Variants in DAPK2 observed in about 807,000 individuals in gnomAD.
The protein encoded by DAPK2 is death associated protein kinase 2.
In DAPK2, 35 loss-of-function variants were observed where a neutral mutation model predicts 44.1. That is an observed-to-expected ratio of 0.79 (90% CI 0.61 to 1.05). The LOEUF (loss-of-function observed/expected upper bound fraction) is 1.05. Among genes scored for constraint, DAPK2 ranks in the 50% least tolerant of loss-of-function variants. DAPK2 has a pLI of 0.00. For missense variants in DAPK2, 453 were observed against 483.2 expected (o/e 0.94, Z 0.59); for synonymous variants, 174 against 182.6 (o/e 0.95, Z 0.38).
Position 63,926,063 on chromosome 15 carries a change from G to A in DAPK2, c.690C>T (p.Asp230=), listed in dbSNP as rs1031600688. 2.5e-6 allele frequency: 4 copies of A among 1,612,706 alleles called. No homozygotes were observed. In the African/African-American group the frequency reaches 5.3e-5, roughly 22 times the overall value. Residue 230 remains aspartate (D), a synonymous_variant, in exon 7 of 11, where the codon GAC becomes GAT. Coordinates refer to ENST00000261891, the Ensembl canonical transcript of DAPK2. ...TATTTGCCAGTGTTTCCTGCTTCGT[G>A]TCTCCCAGGAAAGGGGATGCTCCAC...
intron 3 of DAPK2, among the ~76,000 whole-genome samples, chr15:63,958,470 G>T (rs1424153763): frequency 2.0e-5 from 3 of 152,048 alleles, no homozygotes; most frequent in African/African-American, 7.2e-5. Flanking sequence ...TTTCTTCTAG[G>T]GTTTTTATGG....
intron 1 of DAPK2, among the ~76,000 whole-genome samples, chr15:64,003,310 T>G (rs1333006536): frequency 6.6e-6 from 1 of 152,144 alleles, no homozygotes; most frequent in Non-Finnish European, 1.5e-5. Context: ...AAACTTGGAA[T>G]AGCAACACTT....
chr15:63,921,510 C>T (rs1170080388), intron 8 of DAPK2: 1 of 152,234 alleles, frequency 6.6e-6, no homozygotes, highest in African/African-American at 2.4e-5. Flanking sequence ...ATATGCCATG[C>T]TCTGTTGACA....
At chr15:63,956,737 C>T (rs1315478582) in intron 3 of DAPK2, among the ~76,000 whole-genome samples, 2 of 152,156 alleles carry the variant, frequency 1.3e-5, no homozygotes. Context: ...CAGGCACCCA[C>T]CACCACACCT....
chr15:64,027,156 G>T (rs1245543578), intron 1 of DAPK2, among the ~76,000 whole-genome samples: 2 of 152,176 alleles, frequency 1.3e-5, no homozygotes, highest in Non-Finnish European at 2.9e-5. Flanking sequence ...GCCAAGGCAG[G>T]TGGGTCATCT....
intron 1 of DAPK2, among the ~76,000 whole-genome samples, chr15:64,003,401 G>A (rs775156721): frequency 2.6e-5 from 4 of 152,226 alleles, no homozygotes; most frequent in Non-Finnish European, 4.4e-5. Context: ...TGCTCTGGCA[G>A]AGACCTAGAC....
intron 1 of DAPK2, among the ~76,000 whole-genome samples, chr15:64,011,580 A>C (rs58377907): frequency 0.037 from 5,590 of 152,278 alleles, 348 homozygotes; most frequent in African/African-American, 0.13. Flanking sequence ...TATACACTCC[A>C]GGTTGATGCT....
rs1433359048 is a variant in DAPK2, at chr15:63,908,456, G to A, written c.*64C>T. On this transcript the variant is annotated 3_prime_UTR_variant, in exon 11 of 11. Coordinates refer to ENST00000261891, the Ensembl canonical transcript of DAPK2. The surrounding 1 kb of genome is among the most constrained non-coding windows in gnomAD (Gnocchi z 5.7). ...TGCTGGTGCTGAGCTGGGTCCAAAA[G>A]TCTGCACAGAAGGGAGCCCCGCTGG... 1.7e-6 allele frequency: 2 copies of A among 1,167,148 alleles called. No homozygotes were observed. The highest frequency in any genetic ancestry group is 2.4e-6 in the Non-Finnish European group (2 of 838,032). The allele number at this position is 1,167,148 out of a possible 1,614,324, so 72.3% of individuals were successfully genotyped here. A position where few individuals can be genotyped will look rare whatever the true frequency, so the allele number is the denominator to read the frequency against.
rs779388722 is a variant in DAPK2, at chr15:63,983,664, C to T, written c.183G>A (p.Ala61=). ...CCTCCCGGCTCACACCGCGCCGGCT[C>T]GCCCGGCTCTGCCGCTTCTTGATGA... is the stretch of plus-strand genomic sequence containing the variant. Residue 61 remains alanine, a synonymous_variant, in exon 2 of 11, where the codon GCG becomes GCA. Coordinates refer to ENST00000261891, the Ensembl canonical transcript of DAPK2. 14 of 1,613,932 alleles carry T rather than the reference C, an allele frequency of 8.7e-6. No individual in the cohort carries two copies. In the East Asian group the frequency reaches 2.2e-4, roughly 26 times the overall value.
intron 3 of DAPK2, among the ~76,000 whole-genome samples, chr15:63,969,420 C>A (rs533955428): frequency 6.7e-6 from 1 of 150,080 alleles, no homozygotes; most frequent in South Asian, 2.1e-4. Context: ...ACCCTGTCCC[C>A]CCCAAAAAGA....
chr15:64,002,553 C>T (rs796103205), intron 1 of DAPK2, among the ~76,000 whole-genome samples: 5 of 152,308 alleles, frequency 3.3e-5, no homozygotes, highest in African/African-American at 1.2e-4. Flanking sequence ...AGAACACATA[C>T]TAAACTCTCC....
chr15:64,045,758 C>G (rs1196818231), intron 1 of DAPK2, among the ~76,000 whole-genome samples: 4 of 152,240 alleles, frequency 2.6e-5, no homozygotes, highest in African/African-American at 9.6e-5. Flanking sequence ...CGTTCCACCC[C>G]AACCTGCAGC....
At chr15:63,987,666 C>G (rs2078703366) in intron 1 of DAPK2, among the ~76,000 whole-genome samples, 1 of 152,122 alleles carries the variant, frequency 6.6e-6, no homozygotes, top group Non-Finnish European at 1.5e-5. Flanking sequence ...CATCTGCCAT[C>G]CCAGGTCTCA....
In DAPK2 at chr15:63,969,212, A is replaced by T. The variant is rs2078139772; in HGVS notation, c.453+2211T>A. On this transcript the variant is annotated intron_variant, in intron 3 of 10. Transcript: ENST00000261891. ...AGTGGGCAGATTGCTTGAGCCTAGG[A>T]GTTGCAGACCAGCCTGGGCAAAATG... Among the ~76,000 whole-genome samples, 3 of 151,678 alleles carry T rather than the reference A, an allele frequency of 2.0e-5. No individual in the cohort carries two copies. In the South Asian group the frequency reaches 6.2e-4, roughly 32 times the overall value.
chr15:63,927,619 G>T (rs1382080379), intron 6 of DAPK2, among the ~76,000 whole-genome samples: 1 of 152,200 alleles, frequency 6.6e-6, no homozygotes, highest in Admixed American at 6.5e-5. Context: ...AAGCAGGGAA[G>T]ACCCTCCTTC....
intron 1 of DAPK2, among the ~76,000 whole-genome samples, chr15:64,002,916 CTGTGTGTGTG>C (rs3056849): frequency 0.042 from 3,628 of 85,916 alleles, 150 homozygotes; most frequent in East Asian, 0.18. Flanking sequence ...GACTGAGACA[CTGTGTGTGTG>C]TGTGTGTGTG....
At chr15:63,945,287 T>G (rs1474523598) in intron 3 of DAPK2, among the ~76,000 whole-genome samples, 1 of 152,248 alleles carries the variant, frequency 6.6e-6, no homozygotes. Flanking sequence ...GATGCCACTT[T>G]CCTGGGTGGC....
intron 10 of DAPK2, 114 bp downstream of exon 11, chr15:63,911,794 T>C (rs2078799237): frequency 9.6e-7 from 1 of 1,039,366 alleles, no homozygotes; most frequent in African/African-American, 1.6e-5. Context: ...CCAGCAGAAC[T>C]GGCTGGAAAC....
At chr15:64,007,764 A>G (rs1219043318) in intron 1 of DAPK2, among the ~76,000 whole-genome samples, 1 of 152,262 alleles carries the variant, frequency 6.6e-6, no homozygotes, top group African/African-American at 2.4e-5. Flanking sequence ...AAGACGATAC[A>G]GTCCAAATGT....
Sources: allele counts gnomAD v4.1 joint callset (sites outside exome capture counted in the v4.1 genomes callset), GRCh38; gene constraint gnomAD v4.1.1; non-coding constraint Gnocchi (gnomAD v3.1); transcripts MANE v1.5; gene names NCBI Gene and HGNC (gene_info 2026-07-23, HGNC 2026-07-21).